SLC4A4: variants seen among roughly 807,000 people sequenced by gnomAD.
SLC4A4 encodes the protein electrogenic sodium bicarbonate cotransporter 1.
SLC4A4 carries 27 observed loss-of-function variants against 111.5 expected under a neutral mutation model. The observed-to-expected ratio is 0.24, with a 90% confidence interval of 0.18 to 0.33. The LOEUF (loss-of-function observed/expected upper bound fraction) is 0.33. Among genes scored for constraint, SLC4A4 ranks in the 10% least tolerant of loss-of-function variants. The pLI, the probability that SLC4A4 is intolerant of heterozygous loss-of-function variation, is 1.00. For synonymous variants in SLC4A4, 443 were observed against 463.4 expected (o/e 0.96, Z 0.57); for missense variants, 909 against 1,315.5 (o/e 0.69, Z 4.78).
intron 3 of SLC4A4, among the ~76,000 whole-genome samples, chr4:71,268,259 G>A (rs1722448410): frequency 6.6e-6 from 1 of 151,950 alleles, no homozygotes; most frequent in Non-Finnish European, 1.5e-5. Context: ...AAGTATAGAA[G>A]GTTGGAGGGG....
intron 3 of SLC4A4, 32 bp from the exon 4 acceptor site, chr4:71,339,338 A>G (rs1728698100): frequency 1.2e-6 from 2 of 1,614,186 alleles, no homozygotes; most frequent in African/African-American, 1.3e-5. Flanking sequence ...TTGTCCAGCC[A>G]ATGTTTAACC....
intron 2 of SLC4A4, among the ~76,000 whole-genome samples, chr4:71,148,963 C>A (rs1304368017): frequency 6.6e-6 from 1 of 152,130 alleles, no homozygotes; most frequent in Non-Finnish European, 1.5e-5. Context: ...TGAGGAATTG[C>A]CACAGTGTCT....
intron 2 of SLC4A4, among the ~76,000 whole-genome samples, chr4:71,156,427 C>T (rs1744465888): frequency 6.6e-6 from 1 of 152,118 alleles, no homozygotes; most frequent in African/African-American, 2.4e-5. Context: ...ATAGTTTTGG[C>T]TATTCTGCAC....
At chr4:71,517,561 G>A (rs1195850936) in intron 16 of SLC4A4, among the ~76,000 whole-genome samples, 3 of 151,922 alleles carry the variant, frequency 2.0e-5, no homozygotes. Flanking sequence ...AAAGTTTGCT[G>A]GGCTTCCTTA....
chr4:71,330,057 A>C (rs557736645), intron 3 of SLC4A4, among the ~76,000 whole-genome samples: 1 of 152,188 alleles, frequency 6.6e-6, no homozygotes, highest in Non-Finnish European at 1.5e-5. Context: ...TTCAGCATCA[A>C]TTGAAATGAT....
intron 3 of SLC4A4, among the ~76,000 whole-genome samples, chr4:71,278,713 G>A (rs969777914): frequency 6.6e-6 from 1 of 152,028 alleles, no homozygotes; most frequent in African/African-American, 2.4e-5. Flanking sequence ...GTCTTTTCTT[G>A]TACCTATTGG....
chr4:71,556,328 AT>A (rs1236793768), intron 21 of SLC4A4, among the ~76,000 whole-genome samples: 1 of 151,966 alleles, frequency 6.6e-6, no homozygotes, highest in Non-Finnish European at 1.5e-5. Flanking sequence ...ATCTGTAAAA[AT>A]ATTTTATTTT....
chr4:71,153,498 C>T (rs1295970872), intron 2 of SLC4A4, among the ~76,000 whole-genome samples: 1 of 152,150 alleles, frequency 6.6e-6, no homozygotes, highest in African/African-American at 2.4e-5. Context: ...TGTTAGATGT[C>T]TCTGGCCATT....
chr4:71,223,238 C>T (rs1262861358), intron 1 of SLC4A4, among the ~76,000 whole-genome samples: 3 of 151,394 alleles, frequency 2.0e-5, no homozygotes, highest in Non-Finnish European at 4.4e-5. Flanking sequence ...TGCAGTGGCG[C>T]GATCTCAGCT....
rs528537010 is a variant in SLC4A4, at chr4:71,449,452, A to G, written c.1054-937A>G. Among the ~76,000 whole-genome samples, 7 of 152,348 alleles carry G rather than the reference A, an allele frequency of 4.6e-5. No individual in the cohort carries two copies. In the South Asian group the frequency reaches 1.4e-3, roughly 32 times the overall value. ...CAGCAAGAGAAAGAAAATAAGGTTG[A>G]GGATGGCTATATCAGCCACAGATTA... On this transcript the variant is annotated intron_variant, in intron 9 of 25. Transcript: ENST00000264485.
intron 1 of SLC4A4, among the ~76,000 whole-genome samples, chr4:71,091,291 T>C (rs1395453495): frequency 6.8e-6 from 1 of 146,104 alleles, no homozygotes; most frequent in East Asian, 2.1e-4. Flanking sequence ...CTTGCTTTGT[T>C]GCCCGGGCTG....
Position 71,170,520 on chromosome 4 carries a change from A to T in SLC4A4, c.-1-66056A>T, listed in dbSNP as rs77409701. Among the ~76,000 whole-genome samples the T allele has an allele frequency of 8.5e-4, 129 of 152,352 alleles. 1 individual carries two copies. Among genetic ancestry groups the T allele is most frequent in the African/African-American group, 3.0e-3 (126 of 41,584 alleles). The stretch of plus-strand genomic sequence containing the variant: ...ACTTACAAGTGTTTTTGGTCTCAAT[A>T]TTACCTATCAAGGGGGCTTTTACTA... On this transcript the variant is annotated intron_variant, in intron 2 of 26. Coordinates refer to the SLC4A4 transcript ENST00000649996.
At chr4:71,551,779 C>T (rs1199271455) in intron 20 of SLC4A4, among the ~76,000 whole-genome samples, 2 of 151,926 alleles carry the variant, frequency 1.3e-5, no homozygotes, top group Admixed American at 1.3e-4. Flanking sequence ...ATAAATACAG[C>T]ATTTTCACAA....
intron 2 of SLC4A4, among the ~76,000 whole-genome samples, chr4:71,107,955 C>T (rs1170537831): frequency 6.6e-6 from 1 of 152,110 alleles, no homozygotes; most frequent in East Asian, 1.9e-4. Context: ...TAGCTATTTC[C>T]TTTGTGGTTA....
At chr4:71,298,938 G>A (rs1358756436) in intron 3 of SLC4A4, among the ~76,000 whole-genome samples, 2 of 152,138 alleles carry the variant, frequency 1.3e-5, no homozygotes, top group Admixed American at 6.5e-5. Context: ...ATGTTCTCTA[G>A]GGTTCAACTT....
chr4:71,474,859 G>A (rs1728213826), intron 14 of SLC4A4, among the ~76,000 whole-genome samples: 1 of 151,748 alleles, frequency 6.6e-6, no homozygotes, highest in Admixed American at 6.6e-5. Context: ...CACAATATGT[G>A]TCATTCAACC....
intron 1 of SLC4A4, among the ~76,000 whole-genome samples, chr4:71,080,913 A>T (rs934318284): frequency 6.6e-6 from 1 of 152,118 alleles, no homozygotes; most frequent in African/African-American, 2.4e-5. Flanking sequence ...AGATATTCTT[A>T]TCACAAAATA....
At chr4:71,252,313 A>G (rs1156729721) in intron 2 of SLC4A4, among the ~76,000 whole-genome samples, 3 of 152,170 alleles carry the variant, frequency 2.0e-5, no homozygotes, top group African/African-American at 7.2e-5. Flanking sequence ...GCATGTCTGT[A>G]TTACCCCATC....
intron 6 of SLC4A4, among the ~76,000 whole-genome samples, chr4:71,395,184 T>C (rs1719703127): frequency 6.6e-6 from 1 of 152,090 alleles, no homozygotes; most frequent in Non-Finnish European, 1.5e-5. Flanking sequence ...TAGAAACCAC[T>C]GATTTAGAGG....
Sources: gnomAD v4.1 joint callset for allele counts (sites outside exome capture counted in the v4.1 genomes callset) on GRCh38, gnomAD v4.1.1 for gene constraint, MANE v1.5 for transcripts, NCBI Gene and HGNC (gene_info 2026-07-23, HGNC 2026-07-21) for gene names.